EYS: variants seen among roughly 807,000 people sequenced by gnomAD.
EYS encodes the protein EGF-like photoreceptor maintenance factor, also known as protein eyes shut homolog.
In EYS, 250 loss-of-function variants were observed where a neutral mutation model predicts 282.1. That is an observed-to-expected ratio of 0.89 (90% CI 0.80 to 0.98). The LOEUF (loss-of-function observed/expected upper bound fraction) is 0.98, where lower values mean the gene tolerates loss of function less well. Among genes scored for constraint, EYS ranks in the 50% least tolerant of loss-of-function variants. The pLI is 0.00. For missense variants in EYS, 4,016 were observed against 3,709.0 expected (o/e 1.08, Z -2.15); for synonymous variants, 1,355 against 1,282.9 (o/e 1.06, Z -1.20).
intron 31 of EYS, among the ~76,000 whole-genome samples, chr6:64,168,118 C>T (rs1328782686): frequency 2.0e-5 from 3 of 152,004 alleles, no homozygotes; most frequent in African/African-American, 4.8e-5. Context: ...AAAGATTAGC[C>T]GAGCGTGGTG....
chr6:63,988,115 A>G (rs1273087544), intron 34 of EYS, among the ~76,000 whole-genome samples: 1 of 151,646 alleles, frequency 6.6e-6, no homozygotes, highest in East Asian at 1.9e-4. Flanking sequence ...GAGCTGTCAC[A>G]TAGCATAGGT....
chr6:64,309,287 T>G (rs916855622), intron 29 of EYS, among the ~76,000 whole-genome samples: 1 of 152,176 alleles, frequency 6.6e-6, no homozygotes, highest in African/African-American at 2.4e-5. Flanking sequence ...ATAAAGGAAA[T>G]GACTCTATGA....
intron 19 of EYS, among the ~76,000 whole-genome samples, chr6:64,878,676 C>A (rs1466235152): frequency 1.4e-5 from 2 of 147,558 alleles, no homozygotes; most frequent in African/African-American, 5.0e-5. Flanking sequence ...TTTCTTTAAG[C>A]ACATGCATTT....
intron 31 of EYS, among the ~76,000 whole-genome samples, chr6:64,115,431 G>A (rs1487286834): frequency 6.6e-6 from 1 of 152,072 alleles, no homozygotes; most frequent in Non-Finnish European, 1.5e-5. Flanking sequence ...GCACCAAGAA[G>A]GATCCTTTTG....
chr6:65,170,012 G>C (rs1031951007), intron 12 of EYS, among the ~76,000 whole-genome samples: 1 of 151,458 alleles, frequency 6.6e-6, no homozygotes, highest in Non-Finnish European at 1.5e-5. Flanking sequence ...TTCTAAAAAT[G>C]GGAAACTTAC....
At chr6:64,481,263 GGTGT>G (rs202121150) in intron 26 of EYS, among the ~76,000 whole-genome samples, 5 of 126,838 alleles carry the variant, frequency 3.9e-5, no homozygotes, top group Non-Finnish European at 6.6e-5. Context: ...TTATGTGTAT[GGTGT>G]GTGTGTGTAT....
intron 14 of EYS, among the ~76,000 whole-genome samples, chr6:64,990,712 T>A (rs951246529): frequency 2.6e-5 from 4 of 151,616 alleles, no homozygotes; most frequent in Non-Finnish European, 5.9e-5. Flanking sequence ...CATGGATTTC[T>A]TAAATCTCAA....
intron 36 of EYS, among the ~76,000 whole-genome samples, chr6:63,818,236 C>A (rs1771232400): frequency 6.6e-6 from 1 of 152,054 alleles, no homozygotes; most frequent in Admixed American, 6.5e-5. Flanking sequence ...GGGGCACAAG[C>A]ATATTTTAAT....
At chr6:63,843,511 C>T (rs139851809) in intron 36 of EYS, among the ~76,000 whole-genome samples, 47 of 152,030 alleles carry the variant, frequency 3.1e-4, no homozygotes, top group African/African-American at 1.1e-3. Flanking sequence ...GGCTTATTAT[C>T]TCAATAGACG....
chr6:64,259,125 C>T (rs886388221), intron 30 of EYS, among the ~76,000 whole-genome samples: 2 of 152,034 alleles, frequency 1.3e-5, no homozygotes, highest in Admixed American at 1.3e-4. Context: ...CCTGCTCTTC[C>T]AGGTATATCT....
chr6:65,265,643 G>T (rs1417983502), intron 12 of EYS, among the ~76,000 whole-genome samples: 1 of 151,936 alleles, frequency 6.6e-6, no homozygotes, highest in African/African-American at 2.4e-5. Flanking sequence ...AAGTTAGGTG[G>T]AATAAATGAA....
chr6:64,752,220 C>A (rs1484087963), intron 22 of EYS, among the ~76,000 whole-genome samples: 1 of 151,408 alleles, frequency 6.6e-6, no homozygotes, highest in East Asian at 1.9e-4. Flanking sequence ...CAGTGAGATC[C>A]AAGAGAAAGT....
At chr6:65,007,264 T>C (rs1771704036) in intron 13 of EYS, among the ~76,000 whole-genome samples, 1 of 152,156 alleles carries the variant, frequency 6.6e-6, no homozygotes, top group Non-Finnish European at 1.5e-5. Flanking sequence ...CTAGGGGTGC[T>C]GGCATCCCTA....
At chr6:63,933,632 C>T (rs1581994173) in intron 35 of EYS, among the ~76,000 whole-genome samples, 1 of 152,148 alleles carries the variant, frequency 6.6e-6, no homozygotes, top group Non-Finnish European at 1.5e-5. Flanking sequence ...CTGAAAGTCC[C>T]AACCCTCTAA....
intron 22 of EYS, among the ~76,000 whole-genome samples, chr6:64,697,416 G>A (rs1047978616): frequency 6.6e-6 from 1 of 152,156 alleles, no homozygotes; most frequent in African/African-American, 2.4e-5. Context: ...AGGAAAGGGA[G>A]AGACAGCAAT....
chr6:64,346,186 G>C (rs1248389760), intron 29 of EYS, among the ~76,000 whole-genome samples: 8 of 152,178 alleles, frequency 5.3e-5, no homozygotes, highest in African/African-American at 1.9e-4. Context: ...ATTTGACCCA[G>C]CCATCCCATT....
intron 12 of EYS, among the ~76,000 whole-genome samples, chr6:65,140,964 C>A (rs1031990062): frequency 2.6e-5 from 4 of 151,264 alleles, no homozygotes; most frequent in Non-Finnish European, 5.9e-5. Context: ...ACTAGAAATA[C>A]CATTTGACCC....
intron 29 of EYS, among the ~76,000 whole-genome samples, chr6:64,319,150 AT>A (rs1281001512): frequency 6.6e-6 from 1 of 151,886 alleles, no homozygotes; most frequent in African/African-American, 2.4e-5. Context: ...ATTTAGCCCA[AT>A]TTAAGTGACT....
At chr6:64,802,298 G>A (rs1023464974) in intron 22 of EYS, among the ~76,000 whole-genome samples, 6 of 151,610 alleles carry the variant, frequency 4.0e-5, no homozygotes, top group African/African-American at 1.2e-4. Flanking sequence ...TGATCCATCC[G>A]CCTCGGCTTC....
Sources: allele counts gnomAD v4.1 joint callset (sites outside exome capture counted in the v4.1 genomes callset), GRCh38; gene constraint gnomAD v4.1.1; transcripts MANE v1.5; gene names NCBI Gene and HGNC (gene_info 2026-07-23, HGNC 2026-07-21).